CHRM3: variants seen among roughly 807,000 people sequenced by gnomAD.
CHRM3 encodes cholinergic receptor muscarinic 3, also known as muscarinic acetylcholine receptor M3.
Under a neutral mutation model 41.8 loss-of-function variants are expected in CHRM3, and 11 were observed. The observed-to-expected ratio is 0.26, with a 90% CI of 0.17 to 0.44. The LOEUF (loss-of-function observed/expected upper bound fraction) is 0.44. Among genes scored for constraint, CHRM3 ranks in the 20% least tolerant of loss-of-function variants. The pLI, the probability that CHRM3 is intolerant of heterozygous loss-of-function variation, is 1.00. For synonymous variants in CHRM3, 297 were observed against 301.4 expected (o/e 0.99, Z 0.15); for missense variants, 571 against 745.4 (o/e 0.77, Z 2.72).
At position 239,561,690 on chromosome 1, in the gene CHRM3, A is replaced by G. The variant is rs1480471625; in HGVS notation, c.-313+15941A>G. On this transcript the variant is annotated intron_variant, in intron 3 of 6. Transcript: ENST00000676153. ...TAATATTAATACCATCTATTAATAG[A>G]TAATATTACTGATAATTAATAATTG... 2.6e-5 allele frequency among the ~76,000 whole-genome samples: 4 copies of G among 151,982 alleles called. No individual in the cohort carries two copies. The East Asian group carries it at 7.7e-4, about 29-fold the overall frequency.
chr1:239,710,702 A>AT (rs1323473864), intron 5 of CHRM3, among the ~76,000 whole-genome samples: 1 of 152,026 alleles, frequency 6.6e-6, no homozygotes, highest in African/African-American at 2.4e-5. Context: ...GTAAATTAAT[A>AT]TTTTTTTCTT....
chr1:239,429,682 C>A (rs1294149418), intron 1 of CHRM3, among the ~76,000 whole-genome samples: 1 of 151,764 alleles, frequency 6.6e-6, no homozygotes, highest in Non-Finnish European at 1.5e-5. Context: ...TTTTTCATGT[C>A]GGGTATTTTT....
chr1:239,808,333 T>C (rs767829237), intron 5 of CHRM3, among the ~76,000 whole-genome samples: 5 of 152,192 alleles, frequency 3.3e-5, no homozygotes, highest in Non-Finnish European at 7.3e-5. Context: ...AATAAAATGC[T>C]AGGTCATTTT....
intron 4 of CHRM3, among the ~76,000 whole-genome samples, chr1:239,637,770 TTTA>T (rs889889809): frequency 1.5e-4 from 22 of 150,768 alleles, no homozygotes; most frequent in African/African-American, 5.3e-4. Context: ...TTAATTTAAT[TTTA>T]TTATTATTAT....
At chr1:239,475,948 G>A (rs1204027615) in intron 1 of CHRM3, among the ~76,000 whole-genome samples, 1 of 152,020 alleles carries the variant, frequency 6.6e-6, no homozygotes, top group Non-Finnish European at 1.5e-5. Context: ...CATTCATTTG[G>A]TCTCCCCCAA....
intron 1 of CHRM3, among the ~76,000 whole-genome samples, chr1:239,483,702 TCAGAGA>T (rs1217210216): frequency 1.3e-5 from 2 of 152,196 alleles, no homozygotes; most frequent in Non-Finnish European, 2.9e-5. Flanking sequence ...TTTGAGCACC[TCAGAGA>T]CAGAGTCTAA....
intron 5 of CHRM3, among the ~76,000 whole-genome samples, chr1:239,745,572 C>A (rs778189301): frequency 1.2e-4 from 19 of 152,028 alleles, no homozygotes; most frequent in Non-Finnish European, 2.4e-4. Context: ...TATACACATG[C>A]CATGATGGCT....
intron 4 of CHRM3, among the ~76,000 whole-genome samples, chr1:239,656,903 A>G (rs1224332330): frequency 6.6e-6 from 1 of 152,184 alleles, no homozygotes; most frequent in East Asian, 1.9e-4. Flanking sequence ...CTTCTATACC[A>G]ATGGTTCTCA....
At chr1:239,814,098 A>G (rs1395544257) in intron 5 of CHRM3, among the ~76,000 whole-genome samples, 1 of 152,108 alleles carries the variant, frequency 6.6e-6, no homozygotes, top group African/African-American at 2.4e-5. Flanking sequence ...CCAATTTAGG[A>G]ATTTTTGGCT....
chr1:239,674,491 C>T (rs968866831), intron 4 of CHRM3, among the ~76,000 whole-genome samples: 3 of 151,800 alleles, frequency 2.0e-5, no homozygotes, highest in Admixed American at 6.6e-5. Context: ...GGGGGGATCA[C>T]GAGGTCATGA....
At chr1:239,392,741 A>G (rs890786526) in intron 1 of CHRM3, among the ~76,000 whole-genome samples, 5 of 152,218 alleles carry the variant, frequency 3.3e-5, no homozygotes, top group African/African-American at 4.8e-5. Flanking sequence ...ACATAGATAC[A>G]TATAAAAATA....
chr1:239,571,341 A>C (rs1168557212), intron 3 of CHRM3, among the ~76,000 whole-genome samples: 3 of 152,160 alleles, frequency 2.0e-5, no homozygotes, highest in African/African-American at 7.2e-5. Flanking sequence ...TGCAAAAAAT[A>C]TTTCCCAGAA....
At chr1:239,642,156 C>T (rs1028167175) in intron 4 of CHRM3, among the ~76,000 whole-genome samples, 3 of 137,588 alleles carry the variant, frequency 2.2e-5, no homozygotes, top group African/African-American at 8.5e-5. Flanking sequence ...GATGGGCTTC[C>T]CTTTGTGGGT....
intron 5 of CHRM3, among the ~76,000 whole-genome samples, chr1:239,813,877 A>C (rs1433794876): frequency 2.2e-5 from 3 of 134,454 alleles, no homozygotes; most frequent in South Asian, 2.4e-4. Flanking sequence ...AGATCCCGCC[A>C]CTGCACTCCA....
intron 2 of CHRM3, among the ~76,000 whole-genome samples, chr1:239,516,790 T>C (rs1572568856): frequency 6.6e-6 from 1 of 152,176 alleles, no homozygotes; most frequent in East Asian, 1.9e-4. Flanking sequence ...CTGCTCCCTG[T>C]TGCTCGCTTT....
At chr1:239,493,812 AC>A (rs1202179143) in intron 2 of CHRM3, among the ~76,000 whole-genome samples, 1 of 152,142 alleles carries the variant, frequency 6.6e-6, no homozygotes, top group Non-Finnish European at 1.5e-5. Context: ...AAATGGTAAA[AC>A]TATACTTCTG....
chr1:239,669,065 C>T (rs984121496), intron 4 of CHRM3, among the ~76,000 whole-genome samples: 2 of 152,142 alleles, frequency 1.3e-5, no homozygotes, highest in East Asian at 1.9e-4. Context: ...TTCCCTGAGG[C>T]ACTGTCAGCA....
At chr1:239,841,054 A>G (rs578084010) in intron 6 of CHRM3, among the ~76,000 whole-genome samples, 1 of 152,342 alleles carries the variant, frequency 6.6e-6, no homozygotes, top group Middle Eastern at 3.4e-3. Context: ...ACTGTGTTCC[A>G]TGGCACCCTG....
intron 5 of CHRM3, among the ~76,000 whole-genome samples, chr1:239,743,777 C>CA (rs1665077904): frequency 8.2e-6 from 1 of 122,520 alleles, no homozygotes; most frequent in African/African-American, 3.0e-5. Context: ...TTTTCTTTTT[C>CA]TTTTTTTTTT....
Sources: gnomAD v4.1 joint callset for allele counts (sites outside exome capture counted in the v4.1 genomes callset) on GRCh38, gnomAD v4.1.1 for gene constraint, MANE v1.5 for transcripts, NCBI Gene and HGNC (gene_info 2026-07-23, HGNC 2026-07-21) for gene names.